Variants in ACO2 observed in about 807,000 individuals in gnomAD.
The protein encoded by ACO2 is aconitate hydratase, mitochondrial.
In ACO2, 31 loss-of-function variants were observed where a neutral mutation model predicts 84.5. That is an observed-to-expected ratio of 0.37 (90% confidence interval 0.28 to 0.50). The LOEUF is 0.50. Among genes scored for constraint, ACO2 ranks in the 20% least tolerant of loss-of-function variants. ACO2 has a pLI of 0.97. For missense variants in ACO2, 685 were observed against 1,029.3 expected, an observed-to-expected ratio of 0.67 and a Z score of 4.58; for synonymous variants, 414 against 412.7, an observed-to-expected ratio of 1.00 and a Z score of -0.04.
intron 16 of ACO2, 118 bp from the exon 17 acceptor site, chr22:41,527,783 C>G: frequency 6.6e-7 from 1 of 1,519,108 alleles, no homozygotes; most frequent in Non-Finnish European, 8.9e-7. Context: ...AGTCACTGCC[C>G]GGGCATTGTC....
chr22:41,507,451 A>G (rs1054147231), intron 2 of ACO2, among the ~76,000 whole-genome samples: 1 of 152,124 alleles, frequency 6.6e-6, no homozygotes, highest in African/African-American at 2.4e-5. Context: ...GGCAGGAATG[A>G]TGAGATATGC....
intron 2 of ACO2, among the ~76,000 whole-genome samples, chr22:41,507,488 C>T (rs1569013578): frequency 1.3e-5 from 2 of 152,184 alleles, no homozygotes; most frequent in Admixed American, 6.5e-5. Context: ...GTAGGAATTA[C>T]GATGCTGGGA....
chr22:41,477,394 T>C (rs2038030600), intron 1 of ACO2, among the ~76,000 whole-genome samples: 1 of 151,480 alleles, frequency 6.6e-6, no homozygotes, highest in Non-Finnish European at 1.5e-5. Flanking sequence ...CTCCTGACCT[T>C]GTGATCCACC....
chr22:41,480,556 A>C (rs1377342220), intron 1 of ACO2, among the ~76,000 whole-genome samples: 5 of 152,180 alleles, frequency 3.3e-5, no homozygotes, highest in Admixed American at 3.3e-4. Flanking sequence ...GTACACAGGC[A>C]GGCCACGTTT....
intron 6 of ACO2, chr22:41,517,208 T>A (rs2066482462): frequency 2.7e-6 from 1 of 370,172 alleles, no homozygotes; most frequent in Non-Finnish European, 5.2e-6. Context: ...TGGTGCCTGT[T>A]CAATCTCTTG....
chr22:41,517,507 G>A lies in ACO2; in HGVS notation c.836-20G>A, dbSNP rs767626111. On this transcript the variant is annotated intron_variant, in intron 6 of 17. Transcript: ENST00000216254. ...CTGGCCCGGCCACCAGCCAATGCCC[G>A]GGGCTCTGTTGCTCCACAGGCATGG... The A allele has an allele frequency of 4.5e-5, 72 of 1,610,390 alleles. No homozygotes were observed. Among genetic ancestry groups the A allele is most frequent in the Middle Eastern group, 3.3e-4 (2 of 6,056 alleles).
At chr22:41,523,102 C>T in intron 10 of ACO2, 103 bp from the exon 11 acceptor site, 1 of 1,538,674 alleles carries the variant, frequency 6.5e-7, no homozygotes. Context: ...CAGTGGCTGC[C>T]CTGGGGTTCC....
Position 41,518,590 on chromosome 22 carries a change from T to C in ACO2, c.1032+18T>C, listed in dbSNP as rs770297252. The C allele has an allele frequency of 6.3e-7, 1 of 1,592,142 alleles. No homozygotes were observed. Among genetic ancestry groups the C allele is most frequent in the Non-Finnish European group, 8.6e-7 (1 of 1,160,572 alleles). On this transcript the variant is annotated intron_variant, in intron 8 of 17. Transcript: ENST00000216254. ...TCAGTGAGGTGAGGAGACAATTAAC[T>C]GGGTTCAAGAAGTTTCTGAGAGTAG...
intron 9 of ACO2, among the ~76,000 whole-genome samples, chr22:41,520,843 G>GAAA (rs148408618): frequency 1.6e-5 from 2 of 127,992 alleles, no homozygotes; most frequent in African/African-American, 5.7e-5. Flanking sequence ...CTCCGTCTCA[G>GAAA]AAAAAAAAAA....
At chr22:41,484,738 G>C (rs974839312) in intron 1 of ACO2, among the ~76,000 whole-genome samples, 4 of 152,052 alleles carry the variant, frequency 2.6e-5, no homozygotes, top group Non-Finnish European at 5.9e-5. Context: ...CAGTAACTCA[G>C]AATAACATTC....
intron 1 of ACO2, among the ~76,000 whole-genome samples, chr22:41,497,533 G>A (rs1043817973): frequency 6.6e-6 from 1 of 151,950 alleles, no homozygotes; most frequent in East Asian, 1.9e-4. Flanking sequence ...TTGAGGCCAG[G>A]AGTTTGAAAT....
intron 1 of ACO2, among the ~76,000 whole-genome samples, chr22:41,494,672 A>G (rs1310701028): frequency 6.6e-6 from 1 of 151,640 alleles, no homozygotes; most frequent in Non-Finnish European, 1.5e-5. Flanking sequence ...CGGCCTCCCA[A>G]AGTACTGGGA....
intron 1 of ACO2, among the ~76,000 whole-genome samples, chr22:41,499,019 C>T (rs2066334655): frequency 6.6e-6 from 1 of 151,760 alleles, no homozygotes; most frequent in Non-Finnish European, 1.5e-5. Context: ...GAAGCTTGAA[C>T]CCAGGAGGCG....
intron 1 of ACO2, among the ~76,000 whole-genome samples, chr22:41,475,646 G>A (rs907501741): frequency 3.3e-5 from 5 of 152,090 alleles, no homozygotes; most frequent in Non-Finnish European, 7.4e-5. Context: ...TGTAATCCCA[G>A]CACTTTGGGA....
intron 15 of ACO2, chr22:41,526,654 G>T: frequency 5.7e-6 from 3 of 529,110 alleles, no homozygotes; most frequent in Non-Finnish European, 6.6e-6. Flanking sequence ...TGGTACAGCC[G>T]GGTCCCTGCA....
chr22:41,497,258 AG>A (rs1269240444), intron 1 of ACO2, among the ~76,000 whole-genome samples: 1 of 151,844 alleles, frequency 6.6e-6, no homozygotes, highest in Non-Finnish European at 1.5e-5. Context: ...TAGTAGAGAC[AG>A]GGTTTCACCA....
intron 1 of ACO2, among the ~76,000 whole-genome samples, chr22:41,494,725 C>T (rs1257920819): frequency 6.6e-6 from 1 of 150,474 alleles, no homozygotes; most frequent in Non-Finnish European, 1.5e-5. Context: ...TCTGTATCAA[C>T]ATATGATTTT....
intron 2 of ACO2, among the ~76,000 whole-genome samples, chr22:41,501,545 T>G (rs1259864163): frequency 6.6e-6 from 1 of 152,210 alleles, no homozygotes; most frequent in East Asian, 1.9e-4. Context: ...AAGTTTGCTT[T>G]GATTGATTGG....
intron 1 of ACO2, among the ~76,000 whole-genome samples, chr22:41,489,092 G>A (rs925145724): frequency 7.9e-5 from 12 of 152,004 alleles, no homozygotes; most frequent in African/African-American, 2.4e-4. Context: ...AGGCTGGAGT[G>A]CAGTGGCACA....
Sources: allele counts gnomAD v4.1 joint callset (sites outside exome capture counted in the v4.1 genomes callset), GRCh38; gene constraint gnomAD v4.1.1; transcripts MANE v1.5; gene names NCBI Gene and HGNC (gene_info 2026-07-23, HGNC 2026-07-21).